ABCA12: variants seen among roughly 807,000 people sequenced by gnomAD.
ABCA12 encodes ATP binding cassette subfamily A member 12.
Under a neutral mutation model 293.5 loss-of-function variants are expected in ABCA12, and 156 were observed. The observed-to-expected ratio is 0.53, with a 90% CI of 0.47 to 0.61. The LOEUF (loss-of-function observed/expected upper bound fraction) is 0.61, where lower values mean the gene tolerates loss of function less well. Ranked by LOEUF, ABCA12 falls within the 20% of genes least tolerant of loss-of-function variation. ABCA12 has a pLI of 0.00. For missense variants in ABCA12, 2,797 were observed against 3,090.2 expected (o/e 0.91, Z 2.25); for synonymous variants, 1,063 against 1,108.0 (o/e 0.96, Z 0.81).
At chr2:214,982,153 G>A (rs1489802290) in intron 30 of ABCA12, 34 bp downstream of exon 30, 1 of 1,607,684 alleles carries the variant, frequency 6.2e-7, no homozygotes, top group Admixed American at 1.7e-5. Flanking sequence ...AAGTATGACT[G>A]TTGGGTGGAG....
chr2:214,956,528 G>T, intron 42 of ABCA12, 135 bp downstream of exon 42: 1 of 657,184 alleles, frequency 1.5e-6, no homozygotes, highest in Non-Finnish European at 2.7e-6. Context: ...CAAGTGCAAT[G>T]TGTTGTTAGT....
intron 8 of ABCA12, among the ~76,000 whole-genome samples, chr2:215,036,475 T>G (rs1394660231): frequency 6.6e-6 from 1 of 152,210 alleles, no homozygotes; most frequent in Admixed American, 6.5e-5. Flanking sequence ...TGTGTGTATG[T>G]AGCTGTATGT....
chr2:215,053,031 C>T (rs1478481892), intron 4 of ABCA12, among the ~76,000 whole-genome samples: 3 of 151,938 alleles, frequency 2.0e-5, no homozygotes, highest in African/African-American at 4.8e-5. Flanking sequence ...ATTGGGACAC[C>T]GAAATCTGCT....
At chr2:215,034,293 T>C (rs1452996714) in intron 8 of ABCA12, among the ~76,000 whole-genome samples, 1 of 152,208 alleles carries the variant, frequency 6.6e-6, no homozygotes, top group Non-Finnish European at 1.5e-5. Context: ...AGGTGTTTAT[T>C]AGCAGCTCTC....
chr2:215,062,565 C>G (rs1701551192), intron 3 of ABCA12, among the ~76,000 whole-genome samples: 1 of 152,020 alleles, frequency 6.6e-6, no homozygotes, highest in Non-Finnish European at 1.5e-5. Flanking sequence ...TCTGAGGTTC[C>G]TTTTCTACGT....
At chr2:215,004,995 A>G (rs1321239461) in intron 19 of ABCA12, among the ~76,000 whole-genome samples, 1 of 152,260 alleles carries the variant, frequency 6.6e-6, no homozygotes, top group Non-Finnish European at 1.5e-5. Flanking sequence ...AGGCCTTTAT[A>G]GCTATTTGCC....
rs564629937 is a variant in ABCA12, at chr2:215,003,812, C to T, written c.2683+397G>A. ...CCTCCCAAGCAGCTGGGATTACAGG[C>T]GTGCACCACCATGCCCAGCTAGTTT... On this transcript the variant is annotated intron_variant, in intron 20 of 52. Transcript: ENST00000272895. Among the ~76,000 whole-genome samples the T allele has an allele frequency of 1.8e-4, 27 of 152,096 alleles. No individual in the cohort carries two copies. In the East Asian group the frequency reaches 3.3e-3, roughly 19 times the overall value.
chr2:215,044,133 G>T (rs959166760), intron 7 of ABCA12, among the ~76,000 whole-genome samples: 12 of 152,022 alleles, frequency 7.9e-5, no homozygotes, highest in African/African-American at 2.9e-4. Flanking sequence ...CAGCATACAA[G>T]TCTTCATATA....
At chr2:214,967,631 G>A (rs1237674090) in intron 38 of ABCA12, among the ~76,000 whole-genome samples, 1 of 152,098 alleles carries the variant, frequency 6.6e-6, no homozygotes, top group African/African-American at 2.4e-5. Flanking sequence ...AGAGAGAAGA[G>A]AGGAAGAAAG....
chr2:215,050,674 T>G (rs748898438), intron 5 of ABCA12: 5 of 529,562 alleles, frequency 9.4e-6, no homozygotes, highest in Non-Finnish European at 1.2e-5. Flanking sequence ...TACCTTCTAG[T>G]GACTCAAATT....
intron 48 of ABCA12, 129 bp from the exon 49 acceptor site, chr2:214,945,233 A>G (rs2105920644): frequency 1.4e-6 from 1 of 739,980 alleles, no homozygotes; most frequent in Non-Finnish European, 2.3e-6. Context: ...AACTTGTTTT[A>G]TACTTAATAG....
At chr2:214,944,665 G>A (rs796845390) in intron 49 of ABCA12, among the ~76,000 whole-genome samples, 30 of 152,008 alleles carry the variant, frequency 2.0e-4, no homozygotes, top group African/African-American at 6.7e-4. Flanking sequence ...AGCCACAGAC[G>A]AGTTAAGAGG....
intron 2 of ABCA12, among the ~76,000 whole-genome samples, chr2:215,071,215 TA>T (rs1305175147): frequency 9.0e-6 from 1 of 111,188 alleles, no homozygotes; most frequent in Non-Finnish European, 1.6e-5. Flanking sequence ...TAAAATAAAA[TA>T]AAATAAAATA....
chr2:215,011,697 A>G (rs1397227976), intron 16 of ABCA12, 48 bp from the exon 17 acceptor site: 1 of 1,567,804 alleles, frequency 6.4e-7, no homozygotes, highest in Non-Finnish European at 8.8e-7. Context: ...GAGCTTTAGA[A>G]GCTACTGAAA....
Position 215,011,567 on chromosome 2 carries a change from G to C in ABCA12, c.2204C>G (p.Thr735Ser), listed in dbSNP as rs547695393. The change falls in exon 17 of 53, where the codon ACC becomes AGC. Residue 735 changes from threonine to serine, a missense_variant. By Grantham distance (58) the Thr-to-Ser change is moderately conservative. Transcript: ENST00000272895. ...CAGCATGGCAGTTAAATATTCAGTGGTAATTCCTTGAGAACATAATGCTTG... is the reference window on the plus strand; with the variant it reads ...CAGCATGGCAGTTAAATATTCAGTGCTAATTCCTTGAGAACATAATGCTTG... ...ISQALCSQGI[T>S]TEYLTAMLPS... 6.2e-7 allele frequency: 1 copy of C among 1,614,046 alleles called. No homozygotes were observed. The highest frequency in any genetic ancestry group is 8.5e-7 in the Non-Finnish European group (1 of 1,179,942).
chr2:214,979,187 G>A (rs1380202232), intron 31 of ABCA12, 147 bp from the exon 32 acceptor site: 2 of 737,264 alleles, frequency 2.7e-6, no homozygotes, highest in African/African-American at 1.7e-5. Flanking sequence ...AGACCCCTTT[G>A]CCACTTGGGT....
intron 11 of ABCA12, among the ~76,000 whole-genome samples, chr2:215,024,410 A>G (rs776577390): frequency 4.5e-4 from 68 of 152,334 alleles, no homozygotes; most frequent in South Asian, 2.3e-3. Context: ...TTATAGGAGC[A>G]CAGAAGAAAA....
At chr2:215,100,016 C>CTTT (rs199763276) in intron 2 of ABCA12, among the ~76,000 whole-genome samples, 1 of 116,082 alleles carries the variant, frequency 8.6e-6, no homozygotes, top group Non-Finnish European at 2.0e-5. Flanking sequence ...CTCTCTCTCT[C>CTTT]TTTTTTTTTT....
chr2:215,101,200 G>A (rs540571331), intron 2 of ABCA12, among the ~76,000 whole-genome samples: 7 of 152,140 alleles, frequency 4.6e-5, no homozygotes, highest in African/African-American at 7.2e-5. Flanking sequence ...GTTCTTCTCC[G>A]TGATTATTCA....
Sources: gnomAD v4.1 joint callset for allele counts (sites outside exome capture counted in the v4.1 genomes callset) on GRCh38, gnomAD v4.1.1 for gene constraint, MANE v1.5 for transcripts, NCBI Gene and HGNC (gene_info 2026-07-23, HGNC 2026-07-21) for gene names.